The following CTSW variants were observed in gnomAD, a reference collection of about 807,000 sequenced individuals.
CTSW encodes cathepsin W, also known as lymphopain.
Under a neutral mutation model 43.8 loss-of-function variants are expected in CTSW, and 42 were observed. The observed-to-expected ratio is 0.96, with a 90% confidence interval of 0.75 to 1.24. CTSW has a LOEUF of 1.24. Among genes scored for constraint, CTSW ranks in the 50% most tolerant of loss-of-function variants. The pLI, the probability that CTSW is intolerant of heterozygous loss-of-function variation, is 0.00. For missense variants in CTSW, 475 were observed against 479.9 expected (o/e 0.99, Z 0.09); for synonymous variants, 191 against 184.8 (o/e 1.03, Z -0.27).
In CTSW at chr11:65,882,697, C is replaced by T. The variant is rs1860127232; in HGVS notation, c.619+8C>T. 1.2e-6 allele frequency: 2 copies of T among 1,613,612 alleles called. No homozygotes were observed. Among genetic ancestry groups the T allele is most frequent in the African/African-American group, 2.7e-5 (2 of 74,926 alleles). On this transcript the variant is annotated splice_region_variant and intron_variant, in intron 6 of 9. Coordinates refer to ENST00000307886, the MANE Select transcript of CTSW (RefSeq NM_001335.4). The stretch of plus-strand genomic sequence containing the variant: ...TAACTGTCCTCAACAACAGTGAGTG[C>T]ACTGCCCCGCCACTCTGGACATCTG...
Position 65,882,338 on chromosome 11 carries a change from C to T in CTSW, c.441+9C>T, listed in dbSNP as rs763180549. The T allele has an allele frequency of 8.1e-6, 13 of 1,613,980 alleles. No individual in the cohort carries two copies. Among genetic ancestry groups the T allele is most frequent in the South Asian group, 2.2e-5 (2 of 91,096 alleles). ...CACCCATCAAGGACCAGGTATCTGC[C>T]GCTACCCAGCTGGCTCTAATTCAGC... On this transcript the variant is annotated intron_variant, in intron 4 of 9. Coordinates refer to ENST00000307886, the MANE Select transcript of CTSW (RefSeq NM_001335.4).
chr11:65,881,465 G>T lies in CTSW; in HGVS notation c.231G>T (p.Gln77His). 3.7e-6 allele frequency: 6 copies of T among 1,611,604 alleles called. No homozygotes were observed. Among genetic ancestry groups the T allele is most frequent in the Non-Finnish European group, 5.1e-6 (6 of 1,178,718 alleles). ...ACCTGGCCCAGGCTCAGAGGCTGCAGGAGGAGGACTTGGGCACAGCTGAGT... is the reference window on the plus strand; with the variant it reads ...ACCTGGCCCAGGCTCAGAGGCTGCATGAGGAGGACTTGGGCACAGCTGAGT... Reference protein sequence around the residue: ...AHNLAQAQRLQEEDLGTAEFG... With the variant: ...AHNLAQAQRLHEEDLGTAEFG... Residue 77 changes from glutamine to histidine, a missense_variant, in exon 3 of 10, where the codon CAG (glutamine) becomes CAT (histidine). Gln to His is a conservative substitution (Grantham distance 24). Coordinates refer to ENST00000307886, the MANE Select transcript of CTSW (RefSeq NM_001335.4).
At chr11:65,880,576 C>T (rs1010996575) in intron 2 of CTSW, 1 of 298,100 alleles carries the variant, frequency 3.4e-6, no homozygotes, top group Non-Finnish European at 6.5e-6. Flanking sequence ...CTGCCTCGGC[C>T]TCCCAAAGGG....
chr11:65,881,101 G>A (rs892241532), intron 2 of CTSW, among the ~76,000 whole-genome samples: 2 of 152,162 alleles, frequency 1.3e-5, no homozygotes, highest in African/African-American at 4.8e-5. Context: ...TGTAAAGGAC[G>A]TGGCCTGGCA....
chr11:65,882,897 C>G lies in CTSW; in HGVS notation c.738C>G (p.Asn246Lys). Residue 246 changes from asparagine to lysine, a missense_variant, in exon 7 of 10, where the codon AAC (asparagine) becomes AAG (lysine). Asn to Lys is a moderately conservative substitution (Grantham distance 94, BLOSUM62 0). Coordinates refer to ENST00000307886, the MANE Select transcript of CTSW (RefSeq NM_001335.4). The part of the protein sequence containing the change: ...WIQDFIMLQN[N>K]EHRIAQYLAT... Reference sequence around the variant, plus strand: ...AGGACTTCATCATGCTGCAGAACAACGAGCACAGTGCGGGCAGGGCAGGGA... The same window carrying G: ...AGGACTTCATCATGCTGCAGAACAAGGAGCACAGTGCGGGCAGGGCAGGGA... 6.2e-7 allele frequency: 1 copy of G among 1,613,972 alleles called. No homozygotes were observed. The highest frequency in any genetic ancestry group is 1.1e-5 in the South Asian group (1 of 91,062).
At chr11:65,880,012 G>A in intron 1 of CTSW, 71 bp downstream of exon 1, 1 of 1,399,974 alleles carries the variant, frequency 7.1e-7, no homozygotes, top group Non-Finnish European at 9.9e-7. Context: ...CAGCTGGCCT[G>A]TCATTCTCAT....
intron 7 of CTSW, 22 bp downstream of exon 7, chr11:65,882,926 G>A (rs768035105): frequency 1.3e-5 from 21 of 1,613,474 alleles, no homozygotes; most frequent in South Asian, 4.4e-5. Context: ...GCAGGGACAC[G>A]GGCGGATGGC....
At chr11:65,879,968 G>A (rs374029996) in intron 1 of CTSW, 27 bp downstream of exon 1, 178 of 1,584,952 alleles carry the variant, frequency 1.1e-4, no homozygotes, top group Non-Finnish European at 1.5e-4. Flanking sequence ...CCTTACCTAT[G>A]CCAGTCCCAC....
At chr11:65,880,020 C>A in intron 1 of CTSW, 79 bp downstream of exon 1, 1 of 1,368,222 alleles carries the variant, frequency 7.3e-7, no homozygotes, top group South Asian at 1.2e-5. Context: ...CTGTCATTCT[C>A]ATTTTTCAGA....
chr11:65,883,725 C>A lies in CTSW; in HGVS notation c.*107C>A. 9.7e-7 allele frequency: 1 copy of A among 1,032,198 alleles called. No homozygotes were observed. The highest frequency in any genetic ancestry group is 1.5e-6 in the Non-Finnish European group (1 of 683,220). 63.9% of individuals were successfully genotyped at this position (1,032,198 alleles called of 1,614,324 possible). ...CCAATCTCAATACAGCCTGAATAAA[C>A]CAAGACAAGACCTCTGGCTTGTGAG... On this transcript the variant is annotated 3_prime_UTR_variant, in exon 10 of 10. Transcript: ENST00000307886.
Position 65,882,814 on chromosome 11 carries a change from G to A in CTSW, c.655G>A (p.Gly219Ser). 1 of 1,614,164 alleles carries A rather than the reference G, an allele frequency of 6.2e-7. No homozygotes were observed. Among genetic ancestry groups the A allele is most frequent in the Non-Finnish European group, 8.5e-7 (1 of 1,180,024 alleles). ...CAGTGAAAAGGACTACCCGTTCCAGGGCAAAGTCAGAGCCCACAGGTGCCA... is the reference window on the plus strand; with the variant it reads ...CAGTGAAAAGGACTACCCGTTCCAGAGCAAAGTCAGAGCCCACAGGTGCCA... ...LASEKDYPFQGKVRAHRCHPK... is the reference protein window; with the variant it reads ...LASEKDYPFQSKVRAHRCHPK... Residue 219 changes from glycine to serine, a missense_variant, in exon 7 of 10, where the codon GGC becomes AGC. Transcript: ENST00000307886.
At chr11:65,880,977 C>T (rs931324740) in intron 2 of CTSW, among the ~76,000 whole-genome samples, 7 of 152,184 alleles carry the variant, frequency 4.6e-5, no homozygotes, top group Non-Finnish European at 1.0e-4. Context: ...CCTGCCCTCT[C>T]GCTGTGCTGA....
rs748310981 is a variant in CTSW at position 65,882,595 on chromosome 11, C to T, written c.539-14C>T. On this transcript the variant is annotated splice_polypyrimidine_tract_variant and intron_variant, in intron 5 of 9. Transcript: ENST00000307886. ...TAGGGGCCTGGTCACCCACACTGTC[C>T]CTTCTTGCACCAGAACTGCTGGACT... The T allele has an allele frequency of 6.8e-6, 11 of 1,614,186 alleles. No homozygotes were observed. In the South Asian group the frequency reaches 1.2e-4, roughly 18 times the overall value.
intron 3 of CTSW, 126 bp downstream of exon 3, chr11:65,881,646 C>G: frequency 1.5e-6 from 1 of 648,530 alleles, no homozygotes; most frequent in Non-Finnish European, 2.7e-6. Context: ...TCCCTGAGGA[C>G]CAGGGGCTTG....
At position 65,883,263 on chromosome 11, in the gene CTSW, C is replaced by T; in HGVS notation, c.859C>T (p.Gln287Ter). The change falls in exon 9 of 10, where the codon CAG becomes TAG. Residue 287 changes from glutamine to a stop codon, truncating the protein, a stop_gained. Coordinates refer to ENST00000307886, the MANE Select transcript of CTSW (RefSeq NM_001335.4). LOFTEE classifies it high-confidence loss of function. ...IKATPTTCDP[Q>*]LVDHSVLLVG... is the part of the protein sequence containing the mutation. Reference sequence around the variant, plus strand: ...GGCCACACCCACCACCTGTGACCCCCAGCTTGTGGACCACTCTGTCCTGCT... The same window carrying T: ...GGCCACACCCACCACCTGTGACCCCTAGCTTGTGGACCACTCTGTCCTGCT... 1 of 1,614,040 alleles carries T rather than the reference C, an allele frequency of 6.2e-7. No homozygotes were observed. The highest frequency in any genetic ancestry group is 2.2e-5 in the East Asian group (1 of 44,870).
At chr11:65,882,120 A>G (rs910297722) in intron 3 of CTSW, 55 bp from the exon 4 acceptor site, 3 of 1,592,162 alleles carry the variant, frequency 1.9e-6, no homozygotes, top group Non-Finnish European at 2.6e-6. Context: ...TGGGAGAGGC[A>G]GAACAGGGAG....
At chr11:65,880,101 G>A (rs930536346) in intron 1 of CTSW, 101 bp from the exon 2 acceptor site, 63 of 1,265,594 alleles carry the variant, frequency 5.0e-5, no homozygotes, top group Non-Finnish European at 3.5e-5. Context: ...AGGCTAACTG[G>A]CTGACCCCTA....
rs1255860330 is a variant in CTSW at position 65,883,399 on chromosome 11, C to T, written c.995C>T (p.Ser332Phe). 2 of 1,614,086 alleles carry T rather than the reference C, an allele frequency of 1.2e-6. No individual in the cohort carries two copies. Among genetic ancestry groups the T allele is most frequent in the South Asian group, 2.2e-5 (2 of 91,080 alleles). Residue 332 changes from serine to phenylalanine, a missense_variant, in exon 9 of 10, where the codon TCC becomes TTC. By Grantham distance (155) the Ser-to-Phe change is radical (BLOSUM62 -2). Coordinates refer to ENST00000307886, the MANE Select transcript of CTSW (RefSeq NM_001335.4). ...HPTPYWILKN[S>F]WGAQWGEKGY... ...ACCCCATACTGGATCCTGAAGAACT[C>T]CTGGGGGGCCCAATGGGGAGAGAAG...
chr11:65,881,533 C>T lies in CTSW; in HGVS notation c.286+13C>T, dbSNP rs1377714181. 6.4e-7 allele frequency: 1 copy of T among 1,571,426 alleles called. No individual in the cohort carries two copies. The highest frequency in any genetic ancestry group is 2.3e-5 in the East Asian group (1 of 43,022). On this transcript the variant is annotated intron_variant, in intron 3 of 9. Transcript: ENST00000307886. ...AGTGACCTCACAGGTACCATTAACC[C>T]TTCTGGCTCGTAGGTGGTGGTTGGG...
Sources: allele counts gnomAD v4.1 joint callset (sites outside exome capture counted in the v4.1 genomes callset), GRCh38; gene constraint gnomAD v4.1.1; transcripts MANE v1.5; gene names NCBI Gene and HGNC (gene_info 2026-07-23, HGNC 2026-07-21).